GABRG3: variants seen among roughly 807,000 people sequenced by gnomAD.
GABRG3 encodes gamma-aminobutyric acid receptor subunit gamma-3.
GABRG3 carries 25 observed loss-of-function variants against 48.8 expected under a neutral mutation model. That is an observed-to-expected ratio of 0.51 (90% CI 0.37 to 0.72). The LOEUF (loss-of-function observed/expected upper bound fraction) is 0.72, where lower values mean the gene tolerates loss of function less well. GABRG3 is among the 30% of genes least tolerant of loss of function. GABRG3 has a pLI of 0.00. For missense variants in GABRG3, 394 were observed against 577.9 expected (o/e 0.68, Z 3.26); for synonymous variants, 227 against 217.6 (o/e 1.04, Z -0.38).
At chr15:27,443,409 C>A (rs963752052) in intron 5 of GABRG3, among the ~76,000 whole-genome samples, 5 of 152,212 alleles carry the variant, frequency 3.3e-5, no homozygotes, top group Non-Finnish European at 5.9e-5. Flanking sequence ...TCTTGCACCA[C>A]ACATTCTGTT....
intron 5 of GABRG3, among the ~76,000 whole-genome samples, chr15:27,458,557 A>G (rs1889355424): frequency 6.6e-6 from 1 of 152,196 alleles, no homozygotes; most frequent in Non-Finnish European, 1.5e-5. Flanking sequence ...TGCAAGCTCC[A>G]TCTCATTATC....
At chr15:27,214,378 C>A (rs779553023) in intron 3 of GABRG3, among the ~76,000 whole-genome samples, 2 of 152,322 alleles carry the variant, frequency 1.3e-5, no homozygotes, top group East Asian at 3.9e-4. Context: ...GGGACAGATC[C>A]TCCTCTCCTC....
chr15:27,469,831 G>T (rs890416309), intron 5 of GABRG3, among the ~76,000 whole-genome samples: 1 of 152,098 alleles, frequency 6.6e-6, no homozygotes, highest in East Asian at 1.9e-4. Context: ...GCTTCAAGTT[G>T]AACTCTTGGG....
chr15:27,127,811 G>T (rs1262015763), intron 3 of GABRG3, among the ~76,000 whole-genome samples: 1 of 151,890 alleles, frequency 6.6e-6, no homozygotes, highest in African/African-American at 2.4e-5. Flanking sequence ...AACAAAAATA[G>T]CCTTTGGCCT....
chr15:27,237,174 T>C (rs971136720), intron 3 of GABRG3, among the ~76,000 whole-genome samples: 1 of 152,222 alleles, frequency 6.6e-6, no homozygotes, highest in Non-Finnish European at 1.5e-5. Context: ...TTCAGACATA[T>C]TTATCACTTC....
chr15:27,131,698 T>G (rs1376745104), intron 3 of GABRG3, among the ~76,000 whole-genome samples: 1 of 152,064 alleles, frequency 6.6e-6, no homozygotes, highest in Non-Finnish European at 1.5e-5. Flanking sequence ...GCAGTTCTAT[T>G]TTTATTTTTT....
chr15:26,976,853 A>G lies in GABRG3; in HGVS notation c.54-149A>G. 1 of 677,314 alleles carries G rather than the reference A, an allele frequency of 1.5e-6. No individual in the cohort carries two copies. The highest frequency in any genetic ancestry group is 1.8e-5 in the South Asian group (1 of 54,302). 42.0% of individuals were successfully genotyped at this position (677,314 alleles called of 1,614,324 possible). Reference sequence around the variant, plus strand: ...GTATTTTGTGTTTCTTTCTTTTTAGAAAATATTTTCGGGTTTTCACGTGTG... The same window carrying G: ...GTATTTTGTGTTTCTTTCTTTTTAGGAAATATTTTCGGGTTTTCACGTGTG... On this transcript the variant is annotated intron_variant, in intron 1 of 9. Coordinates refer to ENST00000615808, the MANE Select transcript of GABRG3 (RefSeq NM_033223.5). This position sits in a 1 kb window ranked among gnomAD's most constrained non-coding sequence, Gnocchi z 7.8.
intron 3 of GABRG3, among the ~76,000 whole-genome samples, chr15:27,154,947 G>A (rs1392627324): frequency 6.6e-6 from 1 of 151,604 alleles, no homozygotes. Context: ...TCCTGTAATT[G>A]ACATGCTTTC....
chr15:27,145,603 C>CTCTATCTATCTATCATCTA (rs1555405980), intron 3 of GABRG3, among the ~76,000 whole-genome samples: 1 of 102,298 alleles, frequency 9.8e-6, no homozygotes, highest in South Asian at 3.2e-4. Flanking sequence ...ATATATCTAT[C>CTCTATCTATCTATCATCTA]TCTATCTATC....
At chr15:27,387,702 C>T (rs1196871796) in intron 5 of GABRG3, among the ~76,000 whole-genome samples, 1 of 150,392 alleles carries the variant, frequency 6.6e-6, no homozygotes, top group Non-Finnish European at 1.5e-5. Flanking sequence ...ACAGGCAGGC[C>T]TCTGTCCCCC....
intron 6 of GABRG3, among the ~76,000 whole-genome samples, chr15:27,517,203 G>T (rs1021114629): frequency 6.6e-6 from 1 of 151,046 alleles, no homozygotes; most frequent in Non-Finnish European, 1.5e-5. Flanking sequence ...TGCCTCCTCC[G>T]TCATTGCCAG....
chr15:27,177,100 G>A lies in GABRG3; in HGVS notation c.271-149709G>A, dbSNP rs146275249. Among the ~76,000 whole-genome samples, 240 of 152,186 alleles carry A rather than the reference G, an allele frequency of 1.6e-3. 3 individuals carry two copies. Among genetic ancestry groups the A allele is most frequent in the African/African-American group, 5.5e-3 (229 of 41,514 alleles). On this transcript the variant is annotated intron_variant, in intron 3 of 9. Coordinates refer to ENST00000615808, the MANE Select transcript of GABRG3 (RefSeq NM_033223.5). Reference sequence around the variant, plus strand: ...TTTAAGGATAACTTGATGTGCAGGGGGCTAGAGAATAGGTACTGCTGATTT... The same window carrying A: ...TTTAAGGATAACTTGATGTGCAGGGAGCTAGAGAATAGGTACTGCTGATTT...
chr15:27,037,468 T>A (rs139202593), intron 3 of GABRG3, among the ~76,000 whole-genome samples: 1 of 152,146 alleles, frequency 6.6e-6, no homozygotes, highest in Non-Finnish European at 1.5e-5. Flanking sequence ...TTTGTAAGGA[T>A]TCAGGGTGGG....
chr15:27,526,096 T>C (rs1891270872), intron 7 of GABRG3, among the ~76,000 whole-genome samples: 1 of 152,230 alleles, frequency 6.6e-6, no homozygotes, highest in Admixed American at 6.5e-5. Context: ...CTATTTTCAC[T>C]GCACAAGTTA....
intron 2 of GABRG3, among the ~76,000 whole-genome samples, chr15:26,980,705 A>G (rs1453545280): frequency 1.8e-3 from 260 of 145,108 alleles, no homozygotes; most frequent in African/African-American, 6.0e-3. Flanking sequence ...AAAAAAAAAA[A>G]GAACTTAGAT....
chr15:27,514,196 C>T (rs1018707802), intron 6 of GABRG3, among the ~76,000 whole-genome samples: 5 of 152,222 alleles, frequency 3.3e-5, no homozygotes, highest in African/African-American at 1.2e-4. Context: ...GTACTTGTGA[C>T]CAATGCTATT....
intron 3 of GABRG3, among the ~76,000 whole-genome samples, chr15:27,084,359 G>T (rs1189253196): frequency 6.6e-6 from 1 of 152,244 alleles, no homozygotes; most frequent in Non-Finnish European, 1.5e-5. Flanking sequence ...AAAATTCTTA[G>T]TGTGTGTGTC....
At chr15:27,351,935 GGTGT>G (rs981866591) in intron 5 of GABRG3, among the ~76,000 whole-genome samples, 4 of 144,600 alleles carry the variant, frequency 2.8e-5, no homozygotes, top group Non-Finnish European at 6.1e-5. Flanking sequence ...GTGTGTGTAT[GGTGT>G]GTGTTTATCG....
chr15:27,224,304 T>G (rs77362476), intron 3 of GABRG3, among the ~76,000 whole-genome samples: 260 of 152,356 alleles, frequency 1.7e-3, no homozygotes, highest in African/African-American at 5.6e-3. Flanking sequence ...GGATTTTAGT[T>G]TCCCTAAGTG....
Sources: gnomAD v4.1 joint callset for allele counts (sites outside exome capture counted in the v4.1 genomes callset) on GRCh38, gnomAD v4.1.1 for gene constraint, Gnocchi (gnomAD v3.1) non-coding constraint, MANE v1.5 for transcripts, NCBI Gene and HGNC (gene_info 2026-07-23, HGNC 2026-07-21) for gene names.